Variants in COL5A1 observed in about 807,000 individuals in gnomAD.
COL5A1 encodes the protein collagen type V alpha 1 chain.
COL5A1 carries 16 observed loss-of-function variants against 263.7 expected under a neutral mutation model. That is an observed-to-expected ratio of 0.06 (90% CI 0.04 to 0.09). The LOEUF is 0.09. Among genes scored for constraint, COL5A1 ranks in the 10% least tolerant of loss-of-function variants. The pLI, the probability that COL5A1 is intolerant of heterozygous loss-of-function variation, is 1.00. For synonymous variants in COL5A1, 1,012 were observed against 1,004.5 expected (o/e 1.01, Z -0.14); for missense variants, 2,036 against 2,540.5 (o/e 0.80, Z 4.27).
intron 22 of COL5A1, 89 bp from the exon 23 acceptor site, chr9:134,766,911 T>A: frequency 2.4e-6 from 3 of 1,258,664 alleles, no homozygotes; most frequent in Non-Finnish European, 3.4e-6. Flanking sequence ...TTTGAAAGGA[T>A]GGGAGGCCAG....
chr9:134,643,397 C>T (rs371917538), intron 1 of COL5A1, among the ~76,000 whole-genome samples: 10 of 152,170 alleles, frequency 6.6e-5, no homozygotes, highest in African/African-American at 1.9e-4. Flanking sequence ...ACCAGCCCGC[C>T]GCCTGCCAGC....
At chr9:134,651,922 C>T (rs1453490855) in intron 1 of COL5A1, among the ~76,000 whole-genome samples, 2 of 152,200 alleles carry the variant, frequency 1.3e-5, no homozygotes, top group Non-Finnish European at 2.9e-5. Context: ...TATTTCTCTG[C>T]TCTTCCCCTG....
chr9:134,828,626 A>ACTACAC (rs1564181400), intron 63 of COL5A1, among the ~76,000 whole-genome samples: 3 of 3,812 alleles, frequency 7.9e-4, no homozygotes, highest in East Asian at 5.5e-3. Context: ...CCACACACAT[A>ACTACAC]CCACACACAC....
intron 37 of COL5A1, among the ~76,000 whole-genome samples, chr9:134,800,174 T>C (rs929235543): frequency 5.3e-5 from 8 of 152,176 alleles, no homozygotes; most frequent in African/African-American, 2.4e-5. Context: ...AGGGCTAAGG[T>C]CATATTCTGT....
At chr9:134,792,848 T>TGC (rs113021416) in intron 32 of COL5A1, among the ~76,000 whole-genome samples, 2 of 141,728 alleles carry the variant, frequency 1.4e-5, no homozygotes, top group African/African-American at 5.2e-5. Flanking sequence ...TATGTGTGTG[T>TGC]GCGCACACGT....
chr9:134,756,351 C>T (rs755092811), intron 16 of COL5A1, among the ~76,000 whole-genome samples: 8 of 152,212 alleles, frequency 5.3e-5, no homozygotes, highest in Non-Finnish European at 8.8e-5. Flanking sequence ...CTCTGACCTC[C>T]AAATGGTGGA....
intron 1 of COL5A1, among the ~76,000 whole-genome samples, chr9:134,673,277 A>G (rs1227010995): frequency 1.3e-5 from 2 of 152,250 alleles, no homozygotes; most frequent in Non-Finnish European, 2.9e-5. Flanking sequence ...CTCTAAAGCT[A>G]TAGTGATGAA....
intron 4 of COL5A1, among the ~76,000 whole-genome samples, chr9:134,724,722 C>G (rs986781332): frequency 6.6e-6 from 1 of 152,200 alleles, no homozygotes; most frequent in South Asian, 2.1e-4. Context: ...CAGCGCAAAG[C>G]CACGTCACAG....
intron 1 of COL5A1, among the ~76,000 whole-genome samples, chr9:134,664,687 A>G (rs928711727): frequency 1.3e-5 from 2 of 152,240 alleles, no homozygotes; most frequent in Non-Finnish European, 2.9e-5. Flanking sequence ...AGTCTGTGAC[A>G]CTGGCTCCTG....
At position 134,778,356 on chromosome 9, in the gene COL5A1, G is replaced by T. The variant is rs543220172; in HGVS notation, c.2386-1746G>T. 2.4e-3 allele frequency among the ~76,000 whole-genome samples: 366 copies of T among 152,376 alleles called. 4 individuals carry two copies. Among genetic ancestry groups the T allele is most frequent in the African/African-American group, 8.2e-3 (343 of 41,590 alleles). On this transcript the variant is annotated intron_variant, in intron 27 of 65. Coordinates refer to ENST00000371817, the MANE Select transcript of COL5A1 (RefSeq NM_000093.5). ...CTGCCAAGCGCGTGCTGTGCTCAGT[G>T]GGGGCAGTGGCCTGCAGCAGGCTGT...
At chr9:134,814,647 G>C (rs1454599309) in intron 49 of COL5A1, 150 bp from the exon 50 acceptor site, 5 of 683,988 alleles carry the variant, frequency 7.3e-6, no homozygotes, top group Non-Finnish European at 1.3e-5. Context: ...CCAGGGCTTG[G>C]GGAGCGACCT....
Position 134,809,249 on chromosome 9 carries a change from C to G in COL5A1, c.3433C>G (p.Pro1145Ala), listed in dbSNP as rs1217555635. The G allele has an allele frequency of 1.9e-6, 3 of 1,608,620 alleles. No homozygotes were observed. The highest frequency in any genetic ancestry group is 2.5e-6 in the Non-Finnish European group (3 of 1,178,070). ...CCAGGGGCCTGTGGGGCTCCCGGGT[C>G]CAGCTGGCCCTGTGGGTCCCCCTGG... ...GLQGPVGLPGPAGPVGPPGED... is the reference protein window; with the variant it reads ...GLQGPVGLPGAAGPVGPPGED... The change falls in exon 43 of 66, where the codon CCA becomes GCA. Residue 1145 changes from proline (P) to alanine (A), a missense_variant. Transcript: ENST00000371817.
intron 64 of COL5A1, among the ~76,000 whole-genome samples, chr9:134,832,570 C>T (rs999729474): frequency 6.6e-6 from 1 of 152,174 alleles, no homozygotes; most frequent in Admixed American, 6.5e-5. Context: ...CCCCATGCCC[C>T]GGGCCCCCCT....
chr9:134,715,538 C>T (rs545568577), intron 4 of COL5A1, among the ~76,000 whole-genome samples: 121 of 152,312 alleles, frequency 7.9e-4, no homozygotes, highest in Non-Finnish European at 1.4e-3. Context: ...CAGACTATCA[C>T]ACGGGGAGGA....
Position 134,843,956 on chromosome 9 carries a change from G to T in COL5A1, c.*1653G>T, listed in dbSNP as rs1830174185. ...CTTTCCTGGCCATCGAGGTCGGGGG[G>T]CTGCCGTCTGTGGGCAGGAGGACCC... On this transcript the variant is annotated 3_prime_UTR_variant, in exon 66 of 66. Coordinates refer to ENST00000371817, the MANE Select transcript of COL5A1 (RefSeq NM_000093.5). The T allele has an allele frequency of 6.6e-6, 1 of 152,278 alleles. No homozygotes were observed. The highest frequency in any genetic ancestry group is 1.5e-5 in the Non-Finnish European group (1 of 68,038). 9.4% of individuals were successfully genotyped at this position (152,278 alleles called of 1,614,324 possible).
intron 4 of COL5A1, among the ~76,000 whole-genome samples, chr9:134,703,933 C>A (rs538742848): frequency 1.3e-5 from 2 of 152,114 alleles, no homozygotes. Flanking sequence ...GCCACCGCGC[C>A]CGGCCTCAGG....
chr9:134,708,595 G>A (rs1220647208), intron 4 of COL5A1: 2 of 518,904 alleles, frequency 3.9e-6, no homozygotes, highest in Admixed American at 3.9e-5. Context: ...ACCCCACCCT[G>A]GCAGTGCTGA....
rs1346846972 is a variant in COL5A1, at chr9:134,741,218, A to T, written c.1494+2410A>T. 2.0e-5 allele frequency among the ~76,000 whole-genome samples: 3 copies of T among 152,190 alleles called. No homozygotes were observed. Among genetic ancestry groups the T allele is most frequent in the Admixed American group, 6.5e-5 (1 of 15,278 alleles). The stretch of plus-strand genomic sequence containing the variant: ...GGTGCCTGTGCGGCGGAGAAACAAC[A>T]TTGTCTCTGCCCTCGGAGGTTGAGC... On this transcript the variant is annotated intron_variant, in intron 11 of 65. Coordinates refer to ENST00000371817, the MANE Select transcript of COL5A1 (RefSeq NM_000093.5). The surrounding 1 kb of genome is among the most constrained non-coding windows in gnomAD (Gnocchi z 4.5).
chr9:134,826,049 A>G (rs1839250783), intron 63 of COL5A1, 145 bp downstream of exon 63: 2 of 580,840 alleles, frequency 3.4e-6, no homozygotes, highest in African/African-American at 1.9e-5. Context: ...CTGTTCTTTC[A>G]GAAGTAGACC....
Sources: gnomAD v4.1 joint callset for allele counts (sites outside exome capture counted in the v4.1 genomes callset) on GRCh38, gnomAD v4.1.1 for gene constraint, Gnocchi (gnomAD v3.1) non-coding constraint, MANE v1.5 for transcripts, NCBI Gene and HGNC (gene_info 2026-07-23, HGNC 2026-07-21) for gene names.